The following FLACC1 variants were observed in gnomAD, a reference collection of about 807,000 sequenced individuals.
FLACC1 encodes the protein flagellum associated containing coiled-coil domains 1, also known as flagellum-associated coiled-coil domain-containing protein 1.
A neutral mutation model predicts 62.8 loss-of-function variants in FLACC1; 66 were observed. The observed-to-expected ratio is 1.05, with a 90% confidence interval of 0.86 to 1.29. The LOEUF (loss-of-function observed/expected upper bound fraction) is 1.29. Ranked by LOEUF, FLACC1 falls within the 50% of genes most tolerant of loss-of-function variation. FLACC1 has a pLI of 0.00. For synonymous variants in FLACC1, 156 were observed against 161.0 expected (o/e 0.97, Z 0.24); for missense variants, 452 against 489.1 (o/e 0.92, Z 0.71).
rs17468277 is a variant in FLACC1 at position 201,289,477 on chromosome 2, C to A, written c.1122G>T (p.Thr374=). The A allele has an allele frequency of 2.5e-6, 4 of 1,614,056 alleles. No homozygotes were observed. The highest frequency in any genetic ancestry group is 3.4e-6 in the Non-Finnish European group (4 of 1,179,968). The change falls in exon 14 of 15, where the codon ACG becomes ACT. Residue 374 remains threonine, a synonymous_variant. Transcript: ENST00000392257. ...EKYKHTIQIL[T]EENIHLKQKI... ...CGCACTTCAGATGAATGTTCTCTTC[C>A]GTCAGGATCTGTATGGTGTGCTTAT... is the stretch of plus-strand genomic sequence containing the variant.
At chr2:201,309,524 A>C (rs1366207462) in intron 9 of FLACC1, among the ~76,000 whole-genome samples, 2 of 152,160 alleles carry the variant, frequency 1.3e-5, no homozygotes, top group African/African-American at 4.8e-5. Flanking sequence ...CCCCACTAGA[A>C]CTGAGCTTCC....
chr2:201,330,397 T>C, intron 9 of FLACC1, 73 bp downstream of exon 9: 2 of 1,419,834 alleles, frequency 1.4e-6, no homozygotes, highest in Non-Finnish European at 2.0e-6. Context: ...ACAAAAGCTC[T>C]AGATTTATCC....
chr2:201,361,107 A>G (rs930584941), upstream of FLACC1, among the ~76,000 whole-genome samples: 2 of 152,092 alleles, frequency 1.3e-5, no homozygotes, highest in African/African-American at 2.4e-5. Context: ...AACAAAAACA[A>G]AAACACACGG....
Position 201,299,240 on chromosome 2 carries a change from CTT to C in FLACC1, c.938_939del (p.Lys313ArgfsTer48), listed in dbSNP as rs1396204817. ...TLQLEELRKT[K>X]EVMQEELHAQ... ...CAGGAAAGGATGAAAAAGCTTACCTCTTTGGTTTTTCTCAGCTCTTCTAATTG... is the reference window on the plus strand; with the variant it reads ...CAGGAAAGGATGAAAAAGCTTACCTCTGGTTTTTCTCAGCTCTTCTAATTG... On this transcript the variant is annotated frameshift_variant, in exon 12 of 15. Transcript: ENST00000392257. LOFTEE classifies it high-confidence loss of function. The C allele has an allele frequency of 1.2e-6, 2 of 1,613,506 alleles. No homozygotes were observed. The highest frequency in any genetic ancestry group is 2.2e-5 in the East Asian group (1 of 44,782).
chr2:201,304,495 G>A (rs1194774985), intron 11 of FLACC1, among the ~76,000 whole-genome samples: 6 of 152,134 alleles, frequency 3.9e-5, no homozygotes, highest in Admixed American at 6.5e-5. Flanking sequence ...TCGTGAAAAT[G>A]GCCATACTGC....
intron 12 of FLACC1, 130 bp from the exon 13 acceptor site, chr2:201,289,915 C>A: frequency 6.6e-7 from 1 of 1,511,118 alleles, no homozygotes. Flanking sequence ...GCCACTCACA[C>A]CCTGTCAGTC....
intron 11 of FLACC1, among the ~76,000 whole-genome samples, chr2:201,306,660 A>G (rs1950113139): frequency 6.6e-6 from 1 of 152,198 alleles, no homozygotes; most frequent in Admixed American, 6.5e-5. Context: ...CTGTAACCAT[A>G]AAAGTAAAAA....
At chr2:201,344,531 T>A (rs1206865372) in intron 5 of FLACC1, among the ~76,000 whole-genome samples, 2 of 152,148 alleles carry the variant, frequency 1.3e-5, no homozygotes, top group Non-Finnish European at 2.9e-5. Flanking sequence ...CCCTACCGAA[T>A]AGAAGGAAAA....
chr2:201,310,463 G>C (rs983567493), intron 9 of FLACC1, among the ~76,000 whole-genome samples: 10 of 152,268 alleles, frequency 6.6e-5, no homozygotes, highest in African/African-American at 2.4e-4. Context: ...ACTAGAACTA[G>C]TTGGTCACTA....
chr2:201,323,826 A>G (rs1263046301), intron 9 of FLACC1, among the ~76,000 whole-genome samples: 1 of 149,996 alleles, frequency 6.7e-6, no homozygotes, highest in South Asian at 2.1e-4. Flanking sequence ...GGAAGGAAAG[A>G]AAAGAAAGAA....
chr2:201,292,896 C>T (rs1026444244), intron 12 of FLACC1, among the ~76,000 whole-genome samples: 1 of 151,914 alleles, frequency 6.6e-6, no homozygotes, highest in African/African-American at 2.4e-5. Context: ...AACAGACTTT[C>T]AATTAACAAA....
upstream of FLACC1, among the ~76,000 whole-genome samples, chr2:201,361,699 A>T (rs533046722): frequency 6.6e-6 from 1 of 152,362 alleles, no homozygotes; most frequent in South Asian, 2.1e-4. Context: ...GAATTATATG[A>T]AATTAAAATA....
At chr2:201,329,572 C>T (rs1950553915) in intron 9 of FLACC1, among the ~76,000 whole-genome samples, 1 of 152,110 alleles carries the variant, frequency 6.6e-6, no homozygotes, top group African/African-American at 2.4e-5. Flanking sequence ...ACTGGATAAA[C>T]AAAATGTGGT....
intron 7 of FLACC1, among the ~76,000 whole-genome samples, chr2:201,333,332 G>T (rs975500138): frequency 2.6e-5 from 4 of 152,024 alleles, no homozygotes; most frequent in African/African-American, 9.7e-5. Flanking sequence ...TCATATGTCT[G>T]TTGGCCATTT....
At chr2:201,315,493 C>T (rs1055631325) in intron 9 of FLACC1, among the ~76,000 whole-genome samples, 4 of 152,138 alleles carry the variant, frequency 2.6e-5, no homozygotes, top group African/African-American at 9.7e-5. Flanking sequence ...CCTTCTCCAA[C>T]AGGAAAATAT....
chr2:201,299,918 T>C (rs1243309619), intron 11 of FLACC1, among the ~76,000 whole-genome samples: 2 of 152,130 alleles, frequency 1.3e-5, no homozygotes, highest in Non-Finnish European at 2.9e-5. Context: ...ACTGGGTAAT[T>C]TATAAAGAAA....
rs1296897190 is a variant in FLACC1 at position 201,326,153 on chromosome 2, G to C, written c.675+4317C>G. On this transcript the variant is annotated intron_variant, in intron 9 of 14. Coordinates refer to ENST00000392257, the MANE Select transcript of FLACC1 (RefSeq NM_001127391.3). The surrounding 1 kb of genome is among the most constrained non-coding windows in gnomAD (Gnocchi z 4.1). ...TAAAACTCCTAACAAACTAGGCATA[G>C]AAGGGACCTACCTCAATAATAAAAG... is the stretch of plus-strand genomic sequence containing the variant. 6.6e-6 allele frequency among the ~76,000 whole-genome samples: 1 copy of C among 152,122 alleles called. No homozygotes were observed. The highest frequency in any genetic ancestry group is 1.5e-5 in the Non-Finnish European group (1 of 68,008).
At chr2:201,328,548 C>T (rs2125590533) in intron 9 of FLACC1, among the ~76,000 whole-genome samples, 1 of 152,270 alleles carries the variant, frequency 6.6e-6, no homozygotes, top group South Asian at 2.1e-4. Flanking sequence ...GCCTCAGTTT[C>T]CTGAGTAGCT....
chr2:201,319,665 GC>G (rs1364791529), intron 9 of FLACC1, among the ~76,000 whole-genome samples: 1 of 152,138 alleles, frequency 6.6e-6, no homozygotes, highest in Non-Finnish European at 1.5e-5. Flanking sequence ...AATTGAACAA[GC>G]AAAAAACAAC....
Sources: allele counts gnomAD v4.1 joint callset (sites outside exome capture counted in the v4.1 genomes callset), GRCh38; gene constraint gnomAD v4.1.1; non-coding constraint Gnocchi (gnomAD v3.1); transcripts MANE v1.5; gene names NCBI Gene and HGNC (gene_info 2026-07-23, HGNC 2026-07-21).